The following TTC7A variants were observed in gnomAD, a reference collection of about 807,000 sequenced individuals.
TTC7A encodes the protein tetratricopeptide repeat protein 7A.
A neutral mutation model predicts 103.7 loss-of-function variants in TTC7A; 110 were observed. The ratio of observed to expected loss-of-function variants is 1.06; its 90% CI spans 0.91 to 1.24. The LOEUF is 1.24. Ranked by LOEUF, TTC7A falls within the 50% of genes most tolerant of loss-of-function variation. The pLI is 0.00. For missense variants in TTC7A, 1,340 were observed against 1,116.3 expected (o/e 1.20, Z -2.86); for synonymous variants, 521 against 467.9 (o/e 1.11, Z -1.47).
intron 3 of TTC7A, chr2:46,958,361 G>C: frequency 1.7e-6 from 1 of 594,306 alleles, no homozygotes. Context: ...TGGGTCTTTC[G>C]GGTCTCTTAG....
intron 15 of TTC7A, among the ~76,000 whole-genome samples, chr2:47,031,220 AAC>A (rs1179618403): frequency 6.6e-6 from 1 of 152,230 alleles, no homozygotes; most frequent in African/African-American, 2.4e-5. Flanking sequence ...AGGAAATCCT[AAC>A]ACAGAGAAAA....
intron 19 of TTC7A, among the ~76,000 whole-genome samples, chr2:47,067,358 G>T (rs558446885): frequency 3.3e-4 from 50 of 152,352 alleles, no homozygotes; most frequent in African/African-American, 1.1e-3. Context: ...ATGACTTGGT[G>T]GCACGTGGCC....
intron 11 of TTC7A, among the ~76,000 whole-genome samples, chr2:47,021,246 C>G (rs556380074): frequency 6.6e-6 from 1 of 152,334 alleles, no homozygotes; most frequent in East Asian, 1.9e-4. Flanking sequence ...CCCTTGCCCC[C>G]TAAACCGGCC....
In TTC7A at chr2:47,022,044, G is replaced by T. The variant is rs150734676; in HGVS notation, c.1510+65G>T. On this transcript the variant is annotated intron_variant, in intron 12 of 19. Transcript: ENST00000319190. ...CTCAGGCTTCCTAACTGCCTCAGAG[G>T]CATCTTGTCCTACCGGCACCCCTCC... The T allele has an allele frequency of 6.1e-4, 752 of 1,240,834 alleles. 6 individuals carry two copies. In the African/African-American group the frequency reaches 9.3e-3, roughly 15 times the overall value. 76.9% of individuals were successfully genotyped at this position (1,240,834 alleles called of 1,614,324 possible). A position where few individuals can be genotyped will look rare whatever the true frequency, so the allele number is the denominator to read the frequency against.
At chr2:46,985,898 T>G (rs78259406) in intron 5 of TTC7A, among the ~76,000 whole-genome samples, 1,924 of 152,344 alleles carry the variant, frequency 0.013, 52 homozygotes, top group African/African-American at 0.044. Context: ...TCAGTACTGC[T>G]GATATTTTGA....
intron 5 of TTC7A, among the ~76,000 whole-genome samples, chr2:46,984,784 C>T (rs922121976): frequency 6.6e-6 from 1 of 152,224 alleles, no homozygotes; most frequent in Non-Finnish European, 1.5e-5. Context: ...GGTTGAGTCA[C>T]TTGCCCGAGC....
chr2:47,023,545 T>A (rs904507336), intron 13 of TTC7A, 80 bp downstream of exon 13: 8 of 1,412,286 alleles, frequency 5.7e-6, no homozygotes, highest in Non-Finnish European at 8.0e-6. Flanking sequence ...TCAGACCCTC[T>A]GATGTGGGCA....
chr2:46,946,489 T>A (rs1670948164), intron 1 of TTC7A, among the ~76,000 whole-genome samples: 1 of 152,194 alleles, frequency 6.6e-6, no homozygotes, highest in African/African-American at 2.4e-5. Flanking sequence ...AGTGGCACAG[T>A]CATGGCTCCC....
At chr2:46,940,719 G>GT (rs1670256671), upstream of TTC7A, among the ~76,000 whole-genome samples, 1 of 152,238 alleles carries the variant, frequency 6.6e-6, no homozygotes, top group Non-Finnish European at 1.5e-5. This position sits in a 1 kb window ranked among gnomAD's most constrained non-coding sequence, Gnocchi z 4.7. Context: ...CAGCAGAGGG[G>GT]CGTCCAGAGA....
chr2:46,937,217 A>T (rs950769342), upstream of TTC7A, among the ~76,000 whole-genome samples: 1 of 152,054 alleles, frequency 6.6e-6, no homozygotes, highest in African/African-American at 2.4e-5. The surrounding 1 kb of genome is among the most constrained non-coding windows in gnomAD (Gnocchi z 4.0). Flanking sequence ...GAACTACTTA[A>T]AACTATCTTT....
chr2:46,994,696 G>C (rs1189186187), intron 7 of TTC7A, among the ~76,000 whole-genome samples, 182 bp downstream of exon 7: 1 of 152,216 alleles, frequency 6.6e-6, no homozygotes, highest in African/African-American at 2.4e-5. Context: ...TTGGGGTCCA[G>C]GTTGTGGAGA....
chr2:46,958,600 G>T, intron 3 of TTC7A: 1 of 1,253,018 alleles, frequency 8.0e-7, no homozygotes, highest in Non-Finnish European at 1.1e-6. Context: ...CTCAGGCTGT[G>T]CTAGCTCCCG....
At chr2:46,919,359 C>T (rs1196516359) in intron 2 of TTC7A, among the ~76,000 whole-genome samples, 1 of 152,114 alleles carries the variant, frequency 6.6e-6, no homozygotes, top group Non-Finnish European at 1.5e-5. Flanking sequence ...CATGGTGAAA[C>T]CCTGTCTCTA....
rs192204990 is a variant in TTC7A, at chr2:46,995,636, G to C, written c.1065+437G>C. 1.2e-4 allele frequency among the ~76,000 whole-genome samples: 19 copies of C among 152,278 alleles called. No homozygotes were observed. The East Asian group carries it at 3.5e-3, about 28-fold the overall frequency. ...AGTTCTGCGTGTTAGTTGAGGGCTG[G>C]GGCACATCACTTATTTTCTCTGAGC... On this transcript the variant is annotated intron_variant, in intron 8 of 19. Transcript: ENST00000319190.
At chr2:46,918,470 G>T (rs116044811) in intron 2 of TTC7A, among the ~76,000 whole-genome samples, 32 of 152,312 alleles carry the variant, frequency 2.1e-4, no homozygotes, top group African/African-American at 7.0e-4. Flanking sequence ...CCATAAGTGA[G>T]AAGCCACCTT....
At chr2:47,001,958 T>G (rs1267523781) in intron 8 of TTC7A, among the ~76,000 whole-genome samples, 1 of 152,156 alleles carries the variant, frequency 6.6e-6, no homozygotes, top group Non-Finnish European at 1.5e-5. Flanking sequence ...TGGGCCAGCC[T>G]GCCTGAGGCC....
At chr2:46,961,576 C>CAAATAAAT (rs58889946) in intron 3 of TTC7A, among the ~76,000 whole-genome samples, 10,768 of 135,022 alleles carry the variant, frequency 0.08, 797 homozygotes, top group African/African-American at 0.19. Flanking sequence ...GACTCCATCT[C>CAAATAAAT]AAATAAATAA....
intron 5 of TTC7A, among the ~76,000 whole-genome samples, chr2:46,984,075 C>G (rs1171731878): frequency 6.6e-6 from 1 of 152,210 alleles, no homozygotes; most frequent in South Asian, 2.1e-4. Flanking sequence ...CCAGTATTCC[C>G]TGAGGGAAGC....
At chr2:46,955,258 G>T (rs543335526) in intron 2 of TTC7A, among the ~76,000 whole-genome samples, 5 of 152,344 alleles carry the variant, frequency 3.3e-5, no homozygotes, top group South Asian at 2.1e-4. Context: ...CTTGAGACCA[G>T]TGCAGGGAAC....
Sources: gnomAD v4.1 joint callset for allele counts (sites outside exome capture counted in the v4.1 genomes callset) on GRCh38, gnomAD v4.1.1 for gene constraint, Gnocchi (gnomAD v3.1) non-coding constraint, MANE v1.5 for transcripts, NCBI Gene and HGNC (gene_info 2026-07-23, HGNC 2026-07-21) for gene names.